The following AFG2A variants were observed in gnomAD, a reference collection of about 807,000 sequenced individuals.
AFG2A encodes AAA ATPase AFG2A.
chr4:123,294,448 A>C, the AFG2A span, among the ~76,000 whole-genome samples: 2 of 152,170 alleles, frequency 1.3e-5, no homozygotes, highest in Admixed American at 1.3e-4. Flanking sequence ...ACCTATCTTT[A>C]CCCATTAGTT....
chr4:123,016,792 G>A, the AFG2A span, among the ~76,000 whole-genome samples: 2 of 152,272 alleles, frequency 1.3e-5, no homozygotes, highest in African/African-American at 2.4e-5. Flanking sequence ...GGAGGTTGTA[G>A]CGAGCTGAGA....
At chr4:123,313,242 T>A in the AFG2A span, among the ~76,000 whole-genome samples, 1 of 152,156 alleles carries the variant, frequency 6.6e-6, no homozygotes. Context: ...TTCTTTTCAA[T>A]TCTTCCAGCT....
the AFG2A span, among the ~76,000 whole-genome samples, chr4:123,218,548 T>G: frequency 6.6e-6 from 1 of 152,234 alleles, no homozygotes; most frequent in African/African-American, 2.4e-5. Flanking sequence ...CCCAGACTCA[T>G]AAATGTTTAT....
chr4:123,304,653 A>G, the AFG2A span, among the ~76,000 whole-genome samples: 1 of 152,212 alleles, frequency 6.6e-6, no homozygotes, highest in Non-Finnish European at 1.5e-5. Context: ...ACTGCAGCCC[A>G]TTTCTTTTGG....
At chr4:123,283,358 A>AAGAGAG in the AFG2A span, among the ~76,000 whole-genome samples, 134 of 149,108 alleles carry the variant, frequency 9.0e-4, 1 homozygote, top group South Asian at 2.3e-3. Context: ...GGAAAAAAAA[A>AAGAGAG]AGAGAGAGAG....
the AFG2A span, among the ~76,000 whole-genome samples, chr4:123,292,614 T>G: frequency 6.6e-6 from 1 of 152,192 alleles, no homozygotes; most frequent in Admixed American, 6.5e-5. Context: ...GTGCTTTCAG[T>G]GGCAAAGACT....
At chr4:123,201,797 C>T in the AFG2A span, among the ~76,000 whole-genome samples, 16 of 152,048 alleles carry the variant, frequency 1.1e-4, no homozygotes, top group Non-Finnish European at 2.4e-4. Context: ...TGGCATATGC[C>T]TGTAATCCCA....
chr4:122,928,383 C>G, the AFG2A span, among the ~76,000 whole-genome samples: 1 of 152,150 alleles, frequency 6.6e-6, no homozygotes. Context: ...AGCCCCTTAT[C>G]TTTCATGGCT....
the AFG2A span, among the ~76,000 whole-genome samples, chr4:123,300,752 G>GT: frequency 5.6e-4 from 82 of 146,280 alleles, no homozygotes; most frequent in Middle Eastern, 3.5e-3. Flanking sequence ...TGTTTTTTTT[G>GT]TTTTTTTTTT....
chr4:122,948,586 G>T, the AFG2A span, among the ~76,000 whole-genome samples: 2 of 152,070 alleles, frequency 1.3e-5, no homozygotes, highest in Admixed American at 6.6e-5. Flanking sequence ...ATTAACTTCA[G>T]TGGGATGGTA....
At chr4:123,035,787 A>G in the AFG2A span, among the ~76,000 whole-genome samples, 4 of 152,158 alleles carry the variant, frequency 2.6e-5, no homozygotes, top group Non-Finnish European at 5.9e-5. Flanking sequence ...GCAGAAAATG[A>G]CAATAAGAAC....
At chr4:122,994,236 G>T in the AFG2A span, among the ~76,000 whole-genome samples, 4 of 152,038 alleles carry the variant, frequency 2.6e-5, no homozygotes, top group African/African-American at 9.7e-5. Flanking sequence ...GAATAAAAAT[G>T]CCTATAATAG....
At chr4:123,065,265 C>T in the AFG2A span, among the ~76,000 whole-genome samples, 1 of 152,166 alleles carries the variant, frequency 6.6e-6, no homozygotes, top group African/African-American at 2.4e-5. Flanking sequence ...CCTTTGAAAG[C>T]ATTCATTCAT....
the AFG2A span, among the ~76,000 whole-genome samples, chr4:123,014,143 T>C: frequency 6.6e-6 from 1 of 152,188 alleles, no homozygotes; most frequent in African/African-American, 2.4e-5. Flanking sequence ...GTTTTTAGTT[T>C]CTATATTTTC....
chr4:123,128,828 C>T, the AFG2A span, among the ~76,000 whole-genome samples: 5 of 152,056 alleles, frequency 3.3e-5, no homozygotes, highest in South Asian at 2.1e-4. Flanking sequence ...CTTTAGTACT[C>T]CCATCATTAT....
chr4:123,258,032 T>G, the AFG2A span, among the ~76,000 whole-genome samples: 1 of 152,234 alleles, frequency 6.6e-6, no homozygotes, highest in East Asian at 1.9e-4. Context: ...TGAGATCTTC[T>G]GAAAATCGTC....
chr4:123,293,238 A>G, the AFG2A span, among the ~76,000 whole-genome samples: 2 of 152,202 alleles, frequency 1.3e-5, no homozygotes, highest in South Asian at 4.1e-4. Context: ...GGCAAAGGGT[A>G]GAAGTCCCCT....
At chr4:123,109,341 G>A in the AFG2A span, among the ~76,000 whole-genome samples, 1 of 152,120 alleles carries the variant, frequency 6.6e-6, no homozygotes, top group Non-Finnish European at 1.5e-5. Context: ...AAGTTTTATT[G>A]GAACACAGCC....
chr4:123,289,726 C>T, the AFG2A span, among the ~76,000 whole-genome samples: 12 of 151,972 alleles, frequency 7.9e-5, no homozygotes, highest in African/African-American at 1.2e-4. Flanking sequence ...CTATTCTGAC[C>T]GGGGTAAGAT....
Sources: allele counts gnomAD v4.1 joint callset (sites outside exome capture counted in the v4.1 genomes callset), GRCh38; gene constraint gnomAD v4.1.1; transcripts MANE v1.5; gene names NCBI Gene and HGNC (gene_info 2026-07-23, HGNC 2026-07-21).